CFAP221: variants seen among roughly 807,000 people sequenced by gnomAD.
The protein encoded by CFAP221 is cilia- and flagella-associated protein 221.
A neutral mutation model predicts 113.1 loss-of-function variants in CFAP221; 97 were observed. The ratio of observed to expected loss-of-function variants is 0.86; its 90% CI spans 0.73 to 1.02. The LOEUF (loss-of-function observed/expected upper bound fraction) is 1.02, where lower values mean the gene tolerates loss of function less well. Ranked by LOEUF, CFAP221 falls within the 50% of genes least tolerant of loss-of-function variation. The pLI is 0.00. For missense variants in CFAP221, 1,025 were observed against 1,013.4 expected, an observed-to-expected ratio of 1.01 and a Z score of -0.16; for synonymous variants, 331 against 354.4, an observed-to-expected ratio of 0.93 and a Z score of 0.74.
At position 119,574,064 on chromosome 2, in the gene CFAP221, A is replaced by G. The variant is rs78229003; in HGVS notation, c.527+11950A>G. Among the ~76,000 whole-genome samples the G allele has an allele frequency of 3.6e-3, 542 of 152,354 alleles. 1 individual carries two copies. Among genetic ancestry groups the G allele is most frequent in the South Asian group, 0.016 (76 of 4,826 alleles). ...GTGGTTCCTAGAGAAAGCAAATGAT[A>G]GACTGAAAAACCTAAGATGAAGAAA... On this transcript the variant is annotated intron_variant, in intron 6 of 23. Transcript: ENST00000413369.
In CFAP221 at chr2:119,549,958, G is replaced by A. The variant is rs141478672; in HGVS notation, c.240+773G>A. ...AGGGTGGGCTCTGCCTTACTTCAGC[G>A]TCCCACCTAAGCATCCTGTGCGTAA... On this transcript the variant is annotated intron_variant, in intron 3 of 23. Coordinates refer to ENST00000413369, the MANE Select transcript of CFAP221 (RefSeq NM_001271049.2). Among the ~76,000 whole-genome samples, 120 of 152,296 alleles carry A rather than the reference G, an allele frequency of 7.9e-4. 2 individuals carry two copies. Among genetic ancestry groups the A allele is most frequent in the African/African-American group, 2.7e-3 (113 of 41,560 alleles).
chr2:119,642,265 C>T (rs1409140912), intron 21 of CFAP221, among the ~76,000 whole-genome samples: 3 of 152,174 alleles, frequency 2.0e-5, no homozygotes, highest in South Asian at 4.1e-4. Flanking sequence ...GACTCTAGGT[C>T]ATGTTTTTAT....
At chr2:119,658,435 G>A (rs1284564548), downstream of CFAP221, among the ~76,000 whole-genome samples, 2 of 151,846 alleles carry the variant, frequency 1.3e-5, no homozygotes, top group Non-Finnish European at 2.9e-5. Context: ...TCTTTCCCAC[G>A]TCAGCCCTGG....
intron 14 of CFAP221, among the ~76,000 whole-genome samples, chr2:119,624,065 C>T (rs899797951): frequency 6.6e-6 from 1 of 152,174 alleles, no homozygotes; most frequent in Non-Finnish European, 1.5e-5. Context: ...AAGAAACTAT[C>T]ATCAGAGTGA....
intron 2 of CFAP221, among the ~76,000 whole-genome samples, chr2:119,548,308 A>C (rs1421364322): frequency 6.6e-6 from 1 of 152,146 alleles, no homozygotes; most frequent in Non-Finnish European, 1.5e-5. Context: ...TAACCTTGCT[A>C]AGTCTTACCT....
chr2:119,584,602 G>T (rs1425574771), intron 6 of CFAP221, among the ~76,000 whole-genome samples: 2 of 151,380 alleles, frequency 1.3e-5, no homozygotes, highest in Non-Finnish European at 2.9e-5. Flanking sequence ...AAAAAAAGAA[G>T]AATTTACAAA....
chr2:119,557,829 T>C (rs1320451213), intron 3 of CFAP221, among the ~76,000 whole-genome samples: 2 of 151,914 alleles, frequency 1.3e-5, no homozygotes, highest in African/African-American at 4.8e-5. Context: ...TGAAACCCCA[T>C]CTGTCTCTAC....
intron 11 of CFAP221, among the ~76,000 whole-genome samples, chr2:119,606,846 C>G (rs1381289483): frequency 1.3e-5 from 2 of 152,102 alleles, no homozygotes; most frequent in South Asian, 4.1e-4. Context: ...CACTTGACCT[C>G]GGTTCACTAA....
intron 6 of CFAP221, among the ~76,000 whole-genome samples, chr2:119,574,251 G>T (rs774400510): frequency 3.5e-4 from 53 of 152,290 alleles, no homozygotes; most frequent in Non-Finnish European, 5.9e-4. Flanking sequence ...TGTACCAGGG[G>T]CAGTGGTTAC....
intron 7 of CFAP221, among the ~76,000 whole-genome samples, chr2:119,595,460 T>G (rs1683894262): frequency 6.6e-6 from 1 of 152,204 alleles, no homozygotes; most frequent in Non-Finnish European, 1.5e-5. Context: ...GTTTTGTGAT[T>G]TTTGAAGAAG....
At chr2:119,594,006 C>T (rs2104638281) in intron 7 of CFAP221, among the ~76,000 whole-genome samples, 1 of 152,318 alleles carries the variant, frequency 6.6e-6, no homozygotes, top group Admixed American at 6.5e-5. Flanking sequence ...ACAGTGGGAA[C>T]CACATTTCAA....
At chr2:119,566,669 T>C (rs1681659459) in intron 6 of CFAP221, among the ~76,000 whole-genome samples, 1 of 152,210 alleles carries the variant, frequency 6.6e-6, no homozygotes, top group Non-Finnish European at 1.5e-5. Context: ...GTGCTGCCTC[T>C]TGGCCCGTGT....
At position 119,604,803 on chromosome 2, in the gene CFAP221, C is replaced by G; in HGVS notation, c.912+11C>G. On this transcript the variant is annotated intron_variant, in intron 9 of 23. Coordinates refer to ENST00000413369, the MANE Select transcript of CFAP221 (RefSeq NM_001271049.2). ...CCTCAGAAGGTGAAGGTACGGTGGG[C>G]CTTGTCCTTGGTGCGATGAAAGGGT... 1 of 1,588,212 alleles carries G rather than the reference C, an allele frequency of 6.3e-7. No homozygotes were observed. The highest frequency in any genetic ancestry group is 2.2e-5 in the East Asian group (1 of 44,526).
intron 22 of CFAP221, among the ~76,000 whole-genome samples, chr2:119,648,875 A>G (rs1433047960): frequency 3.9e-5 from 6 of 152,202 alleles, no homozygotes; most frequent in Non-Finnish European, 8.8e-5. Flanking sequence ...TGCTTCTGTT[A>G]GACTGGCGTG....
chr2:119,622,768 C>T (rs190149648), intron 14 of CFAP221, among the ~76,000 whole-genome samples: 41 of 152,194 alleles, frequency 2.7e-4, no homozygotes, highest in Non-Finnish European at 3.7e-4. Context: ...TGACAAAAAC[C>T]ACATGATTAT....
In CFAP221 at chr2:119,559,891, C is replaced by T. The variant is rs775419906; in HGVS notation, c.328-37C>T. 14 of 1,511,178 alleles carry T rather than the reference C, an allele frequency of 9.3e-6. No homozygotes were observed. In the East Asian group the frequency reaches 2.0e-4, roughly 21 times the overall value. The allele number at this position is 1,511,178 out of a possible 1,614,324, so 93.6% of individuals were successfully genotyped here. ...CCCCGGTGCTGCTCTCTGTGCAGTC[C>T]GGGGCTTGTCCCAACAAGATGCCAC... is the stretch of plus-strand genomic sequence containing the variant. On this transcript the variant is annotated intron_variant, in intron 4 of 23. Transcript: ENST00000413369.
chr2:119,621,948 A>G lies in CFAP221; in HGVS notation c.1411-3635A>G, dbSNP rs1685950507. ...CAGGAGAAAGCAGGAAAGAACTAAA[A>G]TCGACACCCTAACATTATAATGAAA... On this transcript the variant is annotated intron_variant, in intron 14 of 23. Transcript: ENST00000413369. Among the ~76,000 whole-genome samples the G allele has an allele frequency of 2.6e-5, 4 of 152,164 alleles. No homozygotes were observed. The South Asian group carries it at 8.3e-4, about 32-fold the overall frequency.
At position 119,601,553 on chromosome 2, in the gene CFAP221, T is replaced by TAGTAGCA. The variant is rs1270619787; in HGVS notation, c.791+179_791+185dup. On this transcript the variant is annotated intron_variant, in intron 8 of 23. Coordinates refer to ENST00000413369, the MANE Select transcript of CFAP221 (RefSeq NM_001271049.2). ...ACAGAAATATAGAATATATCTATGC[T>TAGTAGCA]AGTAGCAAGAGTTGCTTCTGACAAG... 4 of 563,306 alleles carry TAGTAGCA rather than the reference T, an allele frequency of 7.1e-6. No individual in the cohort carries two copies. The East Asian group carries it at 1.3e-4, about 18-fold the overall frequency. The allele number at this position is 563,306 out of a possible 1,614,324, so 34.9% of individuals were successfully genotyped here.
intron 8 of CFAP221, chr2:119,602,900 G>GGTGCTTCTGTCAT: frequency 4.4e-6 from 2 of 458,260 alleles, no homozygotes; most frequent in Non-Finnish European, 5.7e-6. Context: ...AGCATTGTAT[G>GGTGCTTCTGTCAT]ACAGAAGCAC....
Sources: gnomAD v4.1 joint callset for allele counts (sites outside exome capture counted in the v4.1 genomes callset) on GRCh38, gnomAD v4.1.1 for gene constraint, MANE v1.5 for transcripts, NCBI Gene and HGNC (gene_info 2026-07-23, HGNC 2026-07-21) for gene names.